Variants in KDM4C observed in about 807,000 individuals in gnomAD.
The protein encoded by KDM4C is lysine-specific demethylase 4C.
In KDM4C, 81 loss-of-function variants were observed where a neutral mutation model predicts 129.3. The ratio of observed to expected loss-of-function variants is 0.63; its 90% CI spans 0.52 to 0.75. The LOEUF (loss-of-function observed/expected upper bound fraction) is 0.75, where lower values mean the gene tolerates loss of function less well. Among genes scored for constraint, KDM4C ranks in the 30% least tolerant of loss-of-function variants. KDM4C has a pLI of 0.00. For synonymous variants in KDM4C, 573 were observed against 456.1 expected (o/e 1.26, Z -3.26); for missense variants, 1,457 against 1,304.0 (o/e 1.12, Z -1.81).
chr9:7,049,543 C>T (rs1038549914), intron 17 of KDM4C, among the ~76,000 whole-genome samples: 1 of 152,044 alleles, frequency 6.6e-6, no homozygotes, highest in Non-Finnish European at 1.5e-5. Context: ...AGATTTTTCT[C>T]TCTTGACTCT....
intron 1 of KDM4C, among the ~76,000 whole-genome samples, chr9:6,735,739 C>T (rs1056587332): frequency 9.2e-5 from 14 of 152,204 alleles, no homozygotes; most frequent in African/African-American, 2.4e-4. Flanking sequence ...TTATCAGCAG[C>T]GTGAAAATGG....
Position 6,973,159 on chromosome 9 carries a change from C to G in KDM4C, c.922-7766C>G, listed in dbSNP as rs149730660. ...TCATTGAATTGTCAAACTTTTATTT[C>G]AAAAACATGAGTTGTTTTCATTTTC... is the stretch of plus-strand genomic sequence containing the variant. On this transcript the variant is annotated intron_variant, in intron 8 of 21. Coordinates refer to ENST00000381309, the MANE Select transcript of KDM4C (RefSeq NM_015061.6). Among the ~76,000 whole-genome samples the G allele has an allele frequency of 4.1e-3, 625 of 152,258 alleles. 6 individuals are homozygous for G. Among genetic ancestry groups the G allele is most frequent in the African/African-American group, 0.014 (599 of 41,552 alleles).
intron 8 of KDM4C, among the ~76,000 whole-genome samples, chr9:6,909,075 A>G (rs10975889): frequency 0.47 from 71,454 of 152,120 alleles, 17,094 homozygotes; most frequent in Middle Eastern, 0.62. Flanking sequence ...CTTTTTAAAA[A>G]ATTGATTTCT....
chr9:6,755,160 A>T (rs1320038033), upstream of KDM4C, among the ~76,000 whole-genome samples: 1 of 152,186 alleles, frequency 6.6e-6, no homozygotes, highest in Admixed American at 6.5e-5. Context: ...TCACAAGGTC[A>T]GGAGATCAAG....
chr9:6,849,511 T>C lies in KDM4C; in HGVS notation c.440T>C (p.Val147Ala), dbSNP rs779583982. The C allele has an allele frequency of 6.4e-7, 1 of 1,552,472 alleles. No individual in the cohort carries two copies. The highest frequency in any genetic ancestry group is 1.2e-5 in the South Asian group (1 of 80,316). ...TTTTTTTCTCTCTCATTCCAGGGTG[T>C]GGATGAATGGAACATAGCTCGCCTC... Reference protein sequence around the residue: ...DINGSIYDEGVDEWNIARLNT... With the variant: ...DINGSIYDEGADEWNIARLNT... The change falls in exon 5 of 22, where the codon GTG becomes GCG. Residue 147 changes from valine (V) to alanine (A), a missense_variant. Val to Ala is a moderately conservative substitution (Grantham distance 64). Coordinates refer to ENST00000381309, the MANE Select transcript of KDM4C (RefSeq NM_015061.6).
chr9:6,913,234 C>T (rs1320950584), intron 8 of KDM4C, among the ~76,000 whole-genome samples: 1 of 151,850 alleles, frequency 6.6e-6, no homozygotes, highest in Non-Finnish European at 1.5e-5. Context: ...AAATTAGCTA[C>T]CCAGGGATAT....
intron 19 of KDM4C, among the ~76,000 whole-genome samples, chr9:7,158,111 C>T (rs549099512): frequency 7.2e-5 from 11 of 152,148 alleles, no homozygotes; most frequent in African/African-American, 2.6e-4. Flanking sequence ...GGAATTTATC[C>T]ATTTCTTCTA....
At chr9:7,135,870 C>G (rs987626983) in intron 19 of KDM4C, among the ~76,000 whole-genome samples, 1 of 152,180 alleles carries the variant, frequency 6.6e-6, no homozygotes, top group African/African-American at 2.4e-5. Flanking sequence ...ATCAGTGAGC[C>G]CATCTCAGCT....
chr9:7,165,228 T>C lies in KDM4C; in HGVS notation c.2782-10T>C, dbSNP rs1159706688. On this transcript the variant is annotated splice_polypyrimidine_tract_variant and intron_variant, in intron 19 of 21. Transcript: ENST00000381309. ...TCCTTTTGAAAAGCCTGTCTCTGTT[T>C]ATTCTGCAGAGCCGAGACTGTCTGA... 153 of 1,613,238 alleles carry C rather than the reference T, an allele frequency of 9.5e-5. No homozygotes were observed. The highest frequency in any genetic ancestry group is 1.3e-4 in the Non-Finnish European group (149 of 1,179,818).
intron 15 of KDM4C, among the ~76,000 whole-genome samples, chr9:7,024,715 T>G (rs2132292541): frequency 6.6e-6 from 1 of 152,372 alleles, no homozygotes; most frequent in East Asian, 1.9e-4. Context: ...TGCCACATTT[T>G]CTTAATCCAG....
chr9:7,160,055 G>A (rs951654459), intron 19 of KDM4C, among the ~76,000 whole-genome samples: 7 of 151,988 alleles, frequency 4.6e-5, no homozygotes, highest in African/African-American at 1.5e-4. Flanking sequence ...CTCTGACCTT[G>A]TCTTCTCACT....
At chr9:6,975,683 G>A (rs1195074349) in intron 8 of KDM4C, among the ~76,000 whole-genome samples, 1 of 152,036 alleles carries the variant, frequency 6.6e-6, no homozygotes, top group Non-Finnish European at 1.5e-5. Flanking sequence ...AGTATAGAGT[G>A]GTGTAGGAAG....
chr9:7,087,719 A>G (rs973484592), intron 17 of KDM4C, among the ~76,000 whole-genome samples: 7 of 152,218 alleles, frequency 4.6e-5, no homozygotes, highest in African/African-American at 1.4e-4. Flanking sequence ...GTGAAAGAAG[A>G]GCCTGTTCTT....
intron 1 of KDM4C, among the ~76,000 whole-genome samples, chr9:6,785,917 C>T (rs1230073320): frequency 1.3e-5 from 2 of 152,202 alleles, no homozygotes; most frequent in East Asian, 1.9e-4. Context: ...ACTCCATCAC[C>T]TCAGGTAGGG....
At chr9:7,132,464 G>GA (rs919107845) in intron 19 of KDM4C, among the ~76,000 whole-genome samples, 15 of 152,254 alleles carry the variant, frequency 9.9e-5, no homozygotes, top group African/African-American at 3.4e-4. Context: ...GTGCTAGCCA[G>GA]AAAAAATGTG....
chr9:6,737,138 A>C (rs562236818), intron 1 of KDM4C, among the ~76,000 whole-genome samples: 65 of 152,132 alleles, frequency 4.3e-4, no homozygotes, highest in Admixed American at 1.3e-3. Context: ...TTTTCAAAAA[A>C]CAAACAAATA....
chr9:7,146,109 T>C (rs866662252), intron 19 of KDM4C, among the ~76,000 whole-genome samples: 45 of 152,366 alleles, frequency 3.0e-4, no homozygotes, highest in African/African-American at 1.1e-3. Context: ...TCAAAGGATA[T>C]TTAATGATGC....
At chr9:6,726,589 C>T in intron 1 of KDM4C, 1 of 152,496 alleles carries the variant, frequency 6.6e-6, no homozygotes, top group East Asian at 1.9e-4. Flanking sequence ...CATGGTCACC[C>T]TCCACACTGC....
At chr9:6,806,634 A>G (rs1217774792) in intron 3 of KDM4C, among the ~76,000 whole-genome samples, 2 of 152,126 alleles carry the variant, frequency 1.3e-5, no homozygotes, top group African/African-American at 4.8e-5. Flanking sequence ...TGCAGTTAGC[A>G]TGTTGGCTGG....
Sources: allele counts gnomAD v4.1 joint callset (sites outside exome capture counted in the v4.1 genomes callset), GRCh38; gene constraint gnomAD v4.1.1; transcripts MANE v1.5; gene names NCBI Gene and HGNC (gene_info 2026-07-23, HGNC 2026-07-21).